Variants in UBASH3B observed in about 807,000 individuals in gnomAD.
The protein encoded by UBASH3B is ubiquitin-associated and SH3 domain-containing protein B.
In UBASH3B, 37 loss-of-function variants were observed where a neutral mutation model predicts 83.4. The observed-to-expected ratio is 0.44, with a 90% confidence interval of 0.34 to 0.58. UBASH3B has a LOEUF of 0.58. Among genes scored for constraint, UBASH3B ranks in the 20% least tolerant of loss-of-function variants. The pLI is 0.01. For missense variants in UBASH3B, 657 were observed against 827.2 expected (o/e 0.79, Z 2.52); for synonymous variants, 304 against 318.3 (o/e 0.96, Z 0.48).
intron 1 of UBASH3B, among the ~76,000 whole-genome samples, chr11:122,774,857 C>T (rs1055183595): frequency 6.6e-6 from 1 of 152,066 alleles, no homozygotes; most frequent in Non-Finnish European, 1.5e-5. Context: ...ACGACCACCA[C>T]GCGCCCCATC....
chr11:122,713,524 G>A (rs73016297), intron 1 of UBASH3B, among the ~76,000 whole-genome samples: 19,399 of 152,148 alleles, frequency 0.13, 1,386 homozygotes, highest in African/African-American at 0.18. Context: ...TTAGGAGTGT[G>A]TGTGATTTGT....
intron 1 of UBASH3B, among the ~76,000 whole-genome samples, chr11:122,766,360 C>T (rs2135124914): frequency 6.6e-6 from 1 of 152,154 alleles, no homozygotes; most frequent in East Asian, 1.9e-4. Flanking sequence ...TCCTGGCTAA[C>T]AGGTGAAACC....
At chr11:122,697,888 C>T (rs1256140397) in intron 1 of UBASH3B, among the ~76,000 whole-genome samples, 1 of 152,064 alleles carries the variant, frequency 6.6e-6, no homozygotes, top group Non-Finnish European at 1.5e-5. Flanking sequence ...TATTTATATA[C>T]CTCCTCATTT....
Position 122,801,255 on chromosome 11 carries a change from T to A in UBASH3B, c.1518T>A (p.Val506=), listed in dbSNP as rs3741015. Residue 506 remains valine, a synonymous_variant, in exon 11 of 14, where the codon GTT becomes GTA. Transcript: ENST00000284273. ...EPGLFEWTKW[V]AGSTLPAWIP... ...GCTTATTTGAGTGGACAAAATGGGT[T>A]GCTGGGAGCACATTACCTGCATGGA... is the stretch of plus-strand genomic sequence containing the variant. 13,314 of 1,614,188 alleles carry A rather than the reference T, an allele frequency of 8.2e-3. 758 individuals carry two copies. In the East Asian group the frequency reaches 0.14, roughly 17 times the overall value.
chr11:122,810,003 T>A lies in UBASH3B; in HGVS notation c.*117T>A. The A allele has an allele frequency of 7.8e-7, 1 of 1,289,198 alleles. No homozygotes were observed. Among genetic ancestry groups the A allele is most frequent in the Non-Finnish European group, 1.1e-6 (1 of 941,576 alleles). The allele number at this position is 1,289,198 out of a possible 1,614,324, so 79.9% of individuals were successfully genotyped here. The stretch of plus-strand genomic sequence containing the variant: ...GGACAGCTCAGAATAATTTAGCATA[T>A]TTCCTTTCACACTTAAAGTTCTTAA... On this transcript the variant is annotated 3_prime_UTR_variant, in exon 14 of 14. Transcript: ENST00000284273.
intron 7 of UBASH3B, among the ~76,000 whole-genome samples, chr11:122,795,487 G>A (rs1105365): frequency 0.11 from 16,647 of 152,186 alleles, 1,143 homozygotes; most frequent in Middle Eastern, 0.23. Context: ...TCAGAAAGAC[G>A]GAATGCAGAA....
intron 1 of UBASH3B, among the ~76,000 whole-genome samples, chr11:122,712,694 C>T (rs1034056043): frequency 1.3e-5 from 2 of 152,068 alleles, no homozygotes; most frequent in African/African-American, 4.8e-5. Flanking sequence ...TACCTTCCTA[C>T]CTGTGGTGTT....
chr11:122,761,144 T>C (rs1861364625), intron 1 of UBASH3B, among the ~76,000 whole-genome samples: 1 of 152,242 alleles, frequency 6.6e-6, no homozygotes, highest in African/African-American at 2.4e-5. Flanking sequence ...GAGGAGGGTT[T>C]CTCTTAAGTG....
chr11:122,723,942 G>A (rs941454580), intron 1 of UBASH3B, among the ~76,000 whole-genome samples: 1 of 152,192 alleles, frequency 6.6e-6, no homozygotes, highest in Admixed American at 6.5e-5. Context: ...TTTTGTCCTA[G>A]CTGGTTCTGT....
At chr11:122,681,792 A>T (rs1319131651) in intron 1 of UBASH3B, among the ~76,000 whole-genome samples, 1 of 152,114 alleles carries the variant, frequency 6.6e-6, no homozygotes. Flanking sequence ...AGATGCTTCT[A>T]TTTGGAGGCT....
At chr11:122,809,521 A>G (rs775714726) in intron 13 of UBASH3B, among the ~76,000 whole-genome samples, 5 of 152,116 alleles carry the variant, frequency 3.3e-5, no homozygotes, top group African/African-American at 4.8e-5. Flanking sequence ...TCACCATTTA[A>G]TGGATCCTTC....
chr11:122,789,351 C>A (rs772186948), intron 6 of UBASH3B, 43 bp downstream of exon 6: 1 of 1,599,176 alleles, frequency 6.3e-7, no homozygotes, highest in African/African-American at 1.3e-5. Context: ...AAGAATGTTG[C>A]TAAGGCAGAC....
intron 1 of UBASH3B, among the ~76,000 whole-genome samples, chr11:122,768,849 C>T (rs553789306): frequency 3.3e-5 from 5 of 152,256 alleles, no homozygotes; most frequent in African/African-American, 1.2e-4. Context: ...ATCTGACCCT[C>T]TCAAGATTGA....
At position 122,796,936 on chromosome 11, in the gene UBASH3B, C is replaced by T; in HGVS notation, c.1260C>T (p.Asn420=). ...AKGRYIRTNL[N]MPHSLPQRSG... ...GCCGCTACATACGCACCAACCTGAACATGCCTCATAGTTTACCTCAGCGGA... is the reference window on the plus strand; with the variant it reads ...GCCGCTACATACGCACCAACCTGAATATGCCTCATAGTTTACCTCAGCGGA... The change falls in exon 9 of 14, where the codon AAC becomes AAT. Residue 420 remains asparagine (N), a synonymous_variant. Transcript: ENST00000284273. 2 of 1,614,158 alleles carry T rather than the reference C, an allele frequency of 1.2e-6. No homozygotes were observed. Among genetic ancestry groups the T allele is most frequent in the Middle Eastern group, 1.7e-4 (1 of 6,060 alleles).
chr11:122,778,804 T>C (rs1305056681), intron 3 of UBASH3B, among the ~76,000 whole-genome samples: 1 of 151,874 alleles, frequency 6.6e-6, no homozygotes, highest in African/African-American at 2.4e-5. Flanking sequence ...GGGGTTTCAC[T>C]ATGTTGGTCA....
intron 10 of UBASH3B, 46 bp from the exon 11 acceptor site, chr11:122,801,142 G>T (rs370254680): frequency 3.4e-5 from 54 of 1,602,270 alleles, no homozygotes; most frequent in African/African-American, 2.7e-5. Context: ...CTTGGCCTGA[G>T]AATCCACAGG....
chr11:122,681,694 G>GCACA (rs35104730), intron 1 of UBASH3B, among the ~76,000 whole-genome samples: 1 of 150,004 alleles, frequency 6.7e-6, no homozygotes, highest in Non-Finnish European at 1.5e-5. Flanking sequence ...GTACACACAT[G>GCACA]CACACACACA....
intron 1 of UBASH3B, among the ~76,000 whole-genome samples, chr11:122,700,659 G>A (rs1206569217): frequency 6.6e-6 from 1 of 152,032 alleles, no homozygotes; most frequent in Non-Finnish European, 1.5e-5. Context: ...ACCACACCCA[G>A]CTAAATTTTG....
intron 1 of UBASH3B, among the ~76,000 whole-genome samples, chr11:122,707,414 C>T (rs887985768): frequency 2.0e-5 from 3 of 152,164 alleles, no homozygotes; most frequent in Non-Finnish European, 4.4e-5. Flanking sequence ...AAATTTGCCT[C>T]TTCCTCCTCT....
Sources: gnomAD v4.1 joint callset for allele counts (sites outside exome capture counted in the v4.1 genomes callset) on GRCh38, gnomAD v4.1.1 for gene constraint, MANE v1.5 for transcripts, NCBI Gene and HGNC (gene_info 2026-07-23, HGNC 2026-07-21) for gene names.